Variants in LPL observed in about 807,000 individuals in gnomAD.
LPL encodes the protein phospholipase A1.
A neutral mutation model predicts 52.2 loss-of-function variants in LPL; 43 were observed. The observed-to-expected ratio is 0.82, with a 90% confidence interval of 0.64 to 1.06. The LOEUF (loss-of-function observed/expected upper bound fraction) is 1.06, where lower values mean the gene tolerates loss of function less well. Ranked by LOEUF, LPL falls within the 50% of genes least tolerant of loss-of-function variation. The pLI is 0.00. For missense variants in LPL, 639 were observed against 585.3 expected, an observed-to-expected ratio of 1.09 and a Z score of -0.95; for synonymous variants, 244 against 215.6, an observed-to-expected ratio of 1.13 and a Z score of -1.15.
chr8:19,944,983 T>C lies in LPL; in HGVS notation c.89-3197T>C. ...CCCTCCTTCCTTCCCCTTCCCCTTC[T>C]TCCTTCCTTCCTTCCTTCCCTCCAT... On this transcript the variant is annotated intron_variant, in intron 1 of 9. Transcript: ENST00000650287. This position sits in a 1 kb window ranked among gnomAD's most constrained non-coding sequence, Gnocchi z 4.2. 6.6e-6 allele frequency among the ~76,000 whole-genome samples: 1 copy of C among 151,884 alleles called. No individual in the cohort carries two copies. The highest frequency in any genetic ancestry group is 6.6e-5 in the Admixed American group (1 of 15,246).
At chr8:19,954,456 C>A in intron 5 of LPL, 103 bp downstream of exon 5, 1 of 1,155,676 alleles carries the variant, frequency 8.7e-7, no homozygotes, top group Non-Finnish European at 1.3e-6. Flanking sequence ...TTCATATACA[C>A]ATTTGGCCAA....
At chr8:19,941,150 T>C (rs1249020067) in intron 1 of LPL, among the ~76,000 whole-genome samples, 2 of 152,096 alleles carry the variant, frequency 1.3e-5, no homozygotes, top group Admixed American at 6.5e-5. Flanking sequence ...CAAAATTGGA[T>C]AAGAAAAAAA....
rs1455812320 is a variant in LPL, at chr8:19,966,365, A to C, written c.*1055A>C. On this transcript the variant is annotated 3_prime_UTR_variant, in exon 10 of 10. Coordinates refer to ENST00000650287, the MANE Select transcript of LPL (RefSeq NM_000237.3). ...ACAAGGACCGTTTTTACTAAGTAAA[A>C]GGGTGGAGAGGTTCCTGGGGTGGAT... The C allele has an allele frequency of 1.3e-5, 2 of 152,180 alleles. No homozygotes were observed. The highest frequency in any genetic ancestry group is 2.9e-5 in the Non-Finnish European group (2 of 68,034). The allele number at this position is 152,180 out of a possible 1,614,324, so 9.4% of individuals were successfully genotyped here. A position where few individuals can be genotyped will look rare whatever the true frequency, so the allele number is the denominator to read the frequency against.
chr8:19,959,210 T>C (rs2070015042), intron 6 of LPL, 50 bp from the exon 7 acceptor site: 2 of 1,613,104 alleles, frequency 1.2e-6, no homozygotes, highest in African/African-American at 2.7e-5. Flanking sequence ...TTTGGGGTTG[T>C]GATATTTTCA....
Position 19,950,051 on chromosome 8 carries a change from C to T in LPL, c.249+1711C>T, listed in dbSNP as rs1038644001. Among the ~76,000 whole-genome samples, 1 of 152,184 alleles carries T rather than the reference C, an allele frequency of 6.6e-6. No homozygotes were observed. Among genetic ancestry groups the T allele is most frequent in the African/African-American group, 2.4e-5 (1 of 41,452 alleles). On this transcript the variant is annotated intron_variant, in intron 2 of 9. Coordinates refer to ENST00000650287, the MANE Select transcript of LPL (RefSeq NM_000237.3). This position sits in a 1 kb window ranked among gnomAD's most constrained non-coding sequence, Gnocchi z 4.2. ...TGGTCCTACTGCCTCACTAAGCCCACCTGTATCTTTCACATCATGTGTCCT... is the reference window on the plus strand; with the variant it reads ...TGGTCCTACTGCCTCACTAAGCCCATCTGTATCTTTCACATCATGTGTCCT...
At chr8:19,962,569 A>G (rs2070049396) in intron 9 of LPL, among the ~76,000 whole-genome samples, 1 of 152,062 alleles carries the variant, frequency 6.6e-6, no homozygotes, top group African/African-American at 2.4e-5. Context: ...CAGAGCATGT[A>G]ACACAAGTTT....
chr8:19,954,815 T>C (rs1230598403), intron 5 of LPL, among the ~76,000 whole-genome samples: 5 of 152,188 alleles, frequency 3.3e-5, no homozygotes, highest in Admixed American at 3.3e-4. Context: ...TTGTGTTAAA[T>C]TTATGATTTT....
Position 19,939,568 on chromosome 8 carries a change from G to A in LPL, c.88+40G>A, listed in dbSNP as rs141390463. On this transcript the variant is annotated intron_variant, in intron 1 of 9. Coordinates refer to ENST00000650287, the MANE Select transcript of LPL (RefSeq NM_000237.3). The surrounding 1 kb of genome is among the most constrained non-coding windows in gnomAD (Gnocchi z 4.0). ...CAAACTCCCCTCCACCTGCAGACCCGGCGGGTGGCCACTGCCACCCGAACT... is the reference window on the plus strand; with the variant it reads ...CAAACTCCCCTCCACCTGCAGACCCAGCGGGTGGCCACTGCCACCCGAACT... The A allele has an allele frequency of 2.0e-3, 3,207 of 1,572,512 alleles. 57 individuals are homozygous for A. The African/African-American group carries it at 0.039, about 19-fold the overall frequency.
At position 19,961,005 on chromosome 8, in the gene LPL, T is replaced by C; in HGVS notation, c.1244T>C (p.Phe415Ser). Residue 415 changes from phenylalanine to serine, a missense_variant, in exon 8 of 10, where the codon TTT becomes TCT. Coordinates refer to ENST00000650287, the MANE Select transcript of LPL (RefSeq NM_000237.3). Reference protein sequence around the residue: ...LKLKWKSDSYFSWSDWWSSPG... With the variant: ...LKLKWKSDSYSSWSDWWSSPG... ...CTCAAATGGAAGAGTGATTCATACT[T>C]TAGCTGGTCAGACTGGTGGAGCAGT... 6.2e-7 allele frequency: 1 copy of C among 1,614,148 alleles called. No individual in the cohort carries two copies.
At chr8:19,963,813 A>G (rs539178414) in intron 9 of LPL, among the ~76,000 whole-genome samples, 2 of 152,298 alleles carry the variant, frequency 1.3e-5, no homozygotes, top group Admixed American at 6.5e-5. Context: ...GCCAGGCAAA[A>G]TAACGCAATT....
chr8:19,951,720 G>T (rs1178858731), intron 2 of LPL, 49 bp from the exon 3 acceptor site: 1 of 1,603,050 alleles, frequency 6.2e-7, no homozygotes. Flanking sequence ...ATGTATCTAT[G>T]ACAAGTGGTA....
rs140135149 is a variant in LPL at position 19,949,546 on chromosome 8, G to A, written c.249+1206G>A. Among the ~76,000 whole-genome samples, 875 of 152,210 alleles carry A rather than the reference G, an allele frequency of 5.7e-3. 11 individuals carry two copies. Among genetic ancestry groups the A allele is most frequent in the African/African-American group, 0.02 (842 of 41,556 alleles). On this transcript the variant is annotated intron_variant, in intron 2 of 9. Transcript: ENST00000650287. ...TGCCCAGGCTGGAGTGCAGTGGCGC[G>A]ATCTCGGCTCACTGCAACCTCCGCC...
chr8:19,957,490 C>CT (rs1398156592), intron 6 of LPL, among the ~76,000 whole-genome samples: 1 of 152,160 alleles, frequency 6.6e-6, no homozygotes, highest in Non-Finnish European at 1.5e-5. Flanking sequence ...AAAGAGAGGA[C>CT]TGTGGGACCA....
chr8:19,960,448 A>G (rs997124203), intron 7 of LPL, among the ~76,000 whole-genome samples: 1 of 152,216 alleles, frequency 6.6e-6, no homozygotes, highest in Non-Finnish European at 1.5e-5. Context: ...TGGTTTATCA[A>G]GTCATTAAAA....
At position 19,962,160 on chromosome 8, in the gene LPL, A is replaced by C. The variant is rs151194635; in HGVS notation, c.1368A>C (p.Gly456=). ...SREKVSHLQK[G]KAPAVFVKCH... ...AGAAAGTGTCTCATTTGCAGAAAGG[A>C]AAGGCACCTGCGGTATTTGTGAAAT... Residue 456 remains glycine, a synonymous_variant, in exon 9 of 10, where the codon GGA becomes GGC. Coordinates refer to ENST00000650287, the MANE Select transcript of LPL (RefSeq NM_000237.3). The C allele has an allele frequency of 5.4e-5, 87 of 1,613,806 alleles. No homozygotes were observed. Among genetic ancestry groups the C allele is most frequent in the Non-Finnish European group, 6.7e-5 (79 of 1,179,838 alleles).
chr8:19,957,055 C>A (rs2069992153), intron 6 of LPL, among the ~76,000 whole-genome samples: 1 of 152,160 alleles, frequency 6.6e-6, no homozygotes, highest in Admixed American at 6.5e-5. Context: ...AACTGCTGAC[C>A]TCAGGTGATC....
intron 9 of LPL, among the ~76,000 whole-genome samples, chr8:19,963,973 A>G (rs139998128): frequency 2.9e-4 from 44 of 151,524 alleles, no homozygotes; most frequent in African/African-American, 1.1e-3. Flanking sequence ...TTTTCTTGAG[A>G]TGGAGTTTTG....
intron 6 of LPL, among the ~76,000 whole-genome samples, chr8:19,957,401 T>G (rs1265241881): frequency 6.6e-6 from 1 of 152,184 alleles, no homozygotes; most frequent in Admixed American, 6.5e-5. Flanking sequence ...TGTAGAGGTG[T>G]CTTTCGTGGT....
intron 8 of LPL, 92 bp from the exon 9 acceptor site, chr8:19,962,019 CATGT>C: frequency 2.4e-6 from 2 of 829,030 alleles, no homozygotes; most frequent in South Asian, 1.3e-5. Flanking sequence ...CCAGCATGAT[CATGT>C]ATTATTTAAA....
Sources: allele counts gnomAD v4.1 joint callset (sites outside exome capture counted in the v4.1 genomes callset), GRCh38; gene constraint gnomAD v4.1.1; non-coding constraint Gnocchi (gnomAD v3.1); transcripts MANE v1.5; gene names NCBI Gene and HGNC (gene_info 2026-07-23, HGNC 2026-07-21).